Variants in GAS2L3 observed in about 807,000 individuals in gnomAD.
GAS2L3 encodes the protein growth arrest specific 2 like 3, also known as GAS2-like protein 3.
In GAS2L3, 28 loss-of-function variants were observed where a neutral mutation model predicts 37.0. The ratio of observed to expected loss-of-function variants is 0.76; its 90% CI spans 0.56 to 1.04. The LOEUF is 1.04. Among genes scored for constraint, GAS2L3 ranks in the 50% least tolerant of loss-of-function variants. The pLI is 0.00. For synonymous variants in GAS2L3, 290 were observed against 296.6 expected (o/e 0.98, Z 0.23); for missense variants, 793 against 817.6 (o/e 0.97, Z 0.37).
intron 8 of GAS2L3, among the ~76,000 whole-genome samples, chr12:100,620,772 A>G (rs961879223): frequency 3.3e-5 from 5 of 152,176 alleles, no homozygotes; most frequent in East Asian, 1.9e-4. Context: ...TTTTACAGAC[A>G]GAAAGTGGTG....
chr12:100,622,726 C>G (rs10778055), intron 9 of GAS2L3, among the ~76,000 whole-genome samples: 1 of 25,254 alleles, frequency 4.0e-5, no homozygotes, highest in Admixed American at 5.5e-4. Context: ...ACCAAAACAT[C>G]TAATAAGATT....
intron 2 of GAS2L3, among the ~76,000 whole-genome samples, chr12:100,592,624 T>C (rs982089982): frequency 3.3e-5 from 5 of 152,140 alleles, no homozygotes; most frequent in African/African-American, 4.8e-5. Context: ...CAAATTCTGG[T>C]CAAATTTCAG....
chr12:100,618,839 A>G (rs1251943947), intron 8 of GAS2L3, among the ~76,000 whole-genome samples: 1 of 152,186 alleles, frequency 6.6e-6, no homozygotes, highest in Non-Finnish European at 1.5e-5. Flanking sequence ...GGAACTCATC[A>G]TGAAGAGAAC....
intron 1 of GAS2L3, among the ~76,000 whole-genome samples, chr12:100,577,856 C>T (rs1422918425): frequency 6.6e-6 from 1 of 152,118 alleles, no homozygotes; most frequent in Admixed American, 6.5e-5. Flanking sequence ...TCAGCAAGTG[C>T]GAAGACCTAG....
At chr12:100,621,882 G>GGGGAGAGAGA (rs1555203890) in intron 8 of GAS2L3, among the ~76,000 whole-genome samples, 1 of 81,256 alleles carries the variant, frequency 1.2e-5, no homozygotes, top group African/African-American at 5.4e-5. Context: ...GGTGGGGGGG[G>GGGGAGAGAGA]GAGAGAGAGA....
Position 100,601,841 on chromosome 12 carries a change from C to T in GAS2L3, c.303+88C>T, listed in dbSNP as rs897856860. 6 of 589,190 alleles carry T rather than the reference C, an allele frequency of 1.0e-5. No individual in the cohort carries two copies. In the Admixed American group the frequency reaches 1.5e-4, roughly 15 times the overall value. 36.5% of individuals were successfully genotyped at this position (589,190 alleles called of 1,614,324 possible). A position where few individuals can be genotyped will look rare whatever the true frequency, so the allele number is the denominator to read the frequency against. ...TTATCTCTAGAAGGTTGTAAACTTC[C>T]ATGCCAACTGGCTATGAGATGTTGA... On this transcript the variant is annotated intron_variant, in intron 5 of 9. Transcript: ENST00000547754.
At chr12:100,604,705 C>T (rs1398847309) in intron 5 of GAS2L3, among the ~76,000 whole-genome samples, 1 of 151,872 alleles carries the variant, frequency 6.6e-6, no homozygotes. Flanking sequence ...AGTTTTTCCC[C>T]ATTTGGTATG....
At chr12:100,584,629 A>T (rs957920900) in intron 1 of GAS2L3, among the ~76,000 whole-genome samples, 1 of 150,264 alleles carries the variant, frequency 6.7e-6, no homozygotes, top group Non-Finnish European at 1.5e-5. Flanking sequence ...GCTGGAGTGC[A>T]GTGGTACAAT....
intron 5 of GAS2L3, among the ~76,000 whole-genome samples, chr12:100,609,794 A>T (rs778066421): frequency 3.9e-5 from 6 of 152,210 alleles, no homozygotes; most frequent in Non-Finnish European, 7.3e-5. Context: ...GACATCAGCT[A>T]CTAAAGCCTG....
chr12:100,618,059 G>A (rs1022814474), intron 7 of GAS2L3, among the ~76,000 whole-genome samples: 3 of 152,072 alleles, frequency 2.0e-5, no homozygotes, highest in African/African-American at 7.2e-5. Flanking sequence ...TTAGATTAAG[G>A]ATAGGGTAAG....
At chr12:100,587,069 T>C (rs549959523) in intron 1 of GAS2L3, among the ~76,000 whole-genome samples, 2 of 152,152 alleles carry the variant, frequency 1.3e-5, no homozygotes, top group African/African-American at 2.4e-5. Context: ...AACAGTGAGA[T>C]TGAAATGGTA....
At chr12:100,576,525 A>G (rs550247548) in intron 1 of GAS2L3, among the ~76,000 whole-genome samples, 27 of 152,322 alleles carry the variant, frequency 1.8e-4, no homozygotes, top group South Asian at 4.1e-4. Flanking sequence ...AGATCTAATG[A>G]GTCATGCAAT....
At chr12:100,619,251 T>C (rs1191440934) in intron 8 of GAS2L3, among the ~76,000 whole-genome samples, 1 of 151,908 alleles carries the variant, frequency 6.6e-6, no homozygotes, top group East Asian at 1.9e-4. Flanking sequence ...TGTTAGATGA[T>C]AGGTTACAAC....
At chr12:100,610,448 C>T (rs1475025170) in intron 5 of GAS2L3, among the ~76,000 whole-genome samples, 1 of 151,376 alleles carries the variant, frequency 6.6e-6, no homozygotes, top group African/African-American at 2.4e-5. Flanking sequence ...TGTAGTTGTG[C>T]ATAGAGATGT....
chr12:100,575,895 C>A (rs975532016), intron 1 of GAS2L3, among the ~76,000 whole-genome samples: 1 of 152,130 alleles, frequency 6.6e-6, no homozygotes, highest in Non-Finnish European at 1.5e-5. Flanking sequence ...ATATTCCTAA[C>A]ATTAAGTAAC....
chr12:100,579,624 G>A lies in GAS2L3; in HGVS notation c.-152+5839G>A, dbSNP rs181976738. ...TTTGGGAGCTTTAGAACACAAGAAT[G>A]TTAGAAATGTCTTAGTTCAAGGACA... On this transcript the variant is annotated intron_variant, in intron 1 of 9. Transcript: ENST00000547754. The A allele has an allele frequency of 2.2e-4, 171 of 776,114 alleles. 1 individual carries two copies. Among genetic ancestry groups the A allele is most frequent in the Admixed American group, 1.3e-3 (74 of 58,544 alleles). 48.1% of individuals were successfully genotyped at this position (776,114 alleles called of 1,614,324 possible).
At chr12:100,610,115 C>T (rs984987481) in intron 5 of GAS2L3, among the ~76,000 whole-genome samples, 2 of 152,188 alleles carry the variant, frequency 1.3e-5, no homozygotes, top group African/African-American at 2.4e-5. Flanking sequence ...GCGGCTATCT[C>T]GCTCTGCCCC....
intron 1 of GAS2L3, among the ~76,000 whole-genome samples, chr12:100,587,772 G>A (rs1354042095): frequency 2.0e-5 from 3 of 152,294 alleles, no homozygotes; most frequent in Admixed American, 2.0e-4. Context: ...GGGCATCCAG[G>A]CTGGGCGCGG....
At chr12:100,606,108 T>C (rs538559204) in intron 5 of GAS2L3, among the ~76,000 whole-genome samples, 2 of 152,196 alleles carry the variant, frequency 1.3e-5, no homozygotes, top group East Asian at 1.9e-4. Context: ...CAGCTGTTAC[T>C]GTATTGGAGT....
Sources: gnomAD v4.1 joint callset for allele counts (sites outside exome capture counted in the v4.1 genomes callset) on GRCh38, gnomAD v4.1.1 for gene constraint, MANE v1.5 for transcripts, NCBI Gene and HGNC (gene_info 2026-07-23, HGNC 2026-07-21) for gene names.